The following PAX3 variants were observed in gnomAD, a reference collection of about 807,000 sequenced individuals.
PAX3 encodes paired box protein Pax-3.
PAX3 carries 14 observed loss-of-function variants against 51.6 expected under a neutral mutation model. The ratio of observed to expected loss-of-function variants is 0.27; its 90% CI spans 0.18 to 0.42. PAX3 has a LOEUF of 0.42. Ranked by LOEUF, PAX3 falls within the 10% of genes least tolerant of loss-of-function variation. PAX3 has a pLI of 1.00. For missense variants in PAX3, 540 were observed against 642.8 expected, an observed-to-expected ratio of 0.84 and a Z score of 1.73; for synonymous variants, 280 against 253.4, an observed-to-expected ratio of 1.11 and a Z score of -1.00.
chr2:222,268,569 C>A (rs751931357), intron 4 of PAX3, among the ~76,000 whole-genome samples: 5 of 152,146 alleles, frequency 3.3e-5, no homozygotes, highest in African/African-American at 4.8e-5. Context: ...CCAGGCACAA[C>A]GGGGAAAGCA....
Position 222,298,634 on chromosome 2 carries a change from C to G in PAX3, c.-19G>C, listed in dbSNP as rs1695440214. ...TGGTCATCCTGGGGGCAGCTTCGCTCGGAAATTATATCCAGGTGAAGGCGA... is the reference window on the plus strand; with the variant it reads ...TGGTCATCCTGGGGGCAGCTTCGCTGGGAAATTATATCCAGGTGAAGGCGA... On this transcript the variant is annotated 5_prime_UTR_variant, in exon 1 of 9. Transcript: ENST00000392070. 6.3e-7 allele frequency: 1 copy of G among 1,593,354 alleles called. No homozygotes were observed. The highest frequency in any genetic ancestry group is 1.1e-5 in the South Asian group (1 of 88,176).
At chr2:222,212,951 G>T (rs183146493) in intron 7 of PAX3, among the ~76,000 whole-genome samples, 3 of 151,622 alleles carry the variant, frequency 2.0e-5, no homozygotes, top group Admixed American at 2.0e-4. Context: ...ATTTTTTTTC[G>T]ACTCAAAAGC....
intron 7 of PAX3, among the ~76,000 whole-genome samples, chr2:222,202,530 G>A (rs750351334): frequency 6.6e-6 from 1 of 152,034 alleles, no homozygotes; most frequent in Non-Finnish European, 1.5e-5. Flanking sequence ...AAAAAAGGAT[G>A]AAAAGAGGGA....
chr2:222,246,346 A>G (rs1356310794), intron 4 of PAX3, among the ~76,000 whole-genome samples: 2 of 152,242 alleles, frequency 1.3e-5, no homozygotes, highest in East Asian at 3.8e-4. Flanking sequence ...CTGCCAATTC[A>G]GTTCAAACTC....
intron 4 of PAX3, among the ~76,000 whole-genome samples, chr2:222,283,439 G>A (rs1483344267): frequency 2.0e-5 from 3 of 152,162 alleles, no homozygotes; most frequent in Non-Finnish European, 4.4e-5. Flanking sequence ...ACTAGTCACC[G>A]TACATCCATT....
intron 4 of PAX3, among the ~76,000 whole-genome samples, chr2:222,247,975 G>T (rs1481212002): frequency 6.6e-6 from 1 of 152,158 alleles, no homozygotes; most frequent in African/African-American, 2.4e-5. Flanking sequence ...CCTGCCCAAA[G>T]TCTCAGCGGG....
chr2:222,248,518 G>A (rs758830624), intron 4 of PAX3, among the ~76,000 whole-genome samples: 1 of 152,120 alleles, frequency 6.6e-6, no homozygotes, highest in Non-Finnish European at 1.5e-5. Flanking sequence ...CCTTTCCTTG[G>A]TAATTAAACT....
At chr2:222,263,181 A>G (rs1693929232) in intron 4 of PAX3, 1 of 152,226 alleles carries the variant, frequency 6.6e-6, no homozygotes, top group African/African-American at 2.4e-5. Context: ...GGCAATGTAG[A>G]GATTGAGAGA....
intron 2 of PAX3, among the ~76,000 whole-genome samples, chr2:222,295,909 T>C (rs1695270788): frequency 1.3e-5 from 2 of 152,150 alleles, no homozygotes; most frequent in Non-Finnish European, 2.9e-5. Context: ...CGGGATAAAT[T>C]CAGAAGAATT....
At chr2:222,244,734 C>CAAAAAAAAAAAAAAAAAAAAAAA (rs35127003) in intron 4 of PAX3, among the ~76,000 whole-genome samples, 1 of 109,720 alleles carries the variant, frequency 9.1e-6, no homozygotes, top group African/African-American at 3.3e-5. Context: ...TATTGTTCAC[C>CAAAAAAAAAAAAAAAAAAAAAAA]AAAAAAAAAA....
chr2:222,278,030 G>A (rs994363198), intron 4 of PAX3, among the ~76,000 whole-genome samples: 3 of 150,116 alleles, frequency 2.0e-5, no homozygotes, highest in East Asian at 2.0e-4. Flanking sequence ...ATGTGTGACC[G>A]AAGACAATTA....
At chr2:222,295,025 C>G (rs892264584) in intron 3 of PAX3, among the ~76,000 whole-genome samples, 2 of 152,016 alleles carry the variant, frequency 1.3e-5, no homozygotes, top group African/African-American at 4.8e-5. Flanking sequence ...CTCTCGCTGG[C>G]CCCGTGCTTG....
At chr2:222,218,984 T>C (rs1692079262) in intron 7 of PAX3, among the ~76,000 whole-genome samples, 1 of 152,182 alleles carries the variant, frequency 6.6e-6, no homozygotes. Flanking sequence ...CAGTTATCAC[T>C]GTCTTGCAGA....
At chr2:222,262,884 G>A (rs1007442194) in intron 4 of PAX3, 2 of 152,052 alleles carry the variant, frequency 1.3e-5, no homozygotes, top group Non-Finnish European at 2.9e-5. Context: ...AGAAAGGAAC[G>A]ACTTTTCAAC....
At chr2:222,220,087 A>G (rs1692125686) in intron 7 of PAX3, 53 bp downstream of exon 7, 1 of 1,471,112 alleles carries the variant, frequency 6.8e-7, no homozygotes, top group Non-Finnish European at 9.5e-7. Context: ...CAGGGAATTG[A>G]ATATTTGGTT....
chr2:222,268,443 C>G (rs45556234), intron 4 of PAX3, among the ~76,000 whole-genome samples: 1 of 152,078 alleles, frequency 6.6e-6, no homozygotes, highest in Non-Finnish European at 1.5e-5. Flanking sequence ...TCCAATCAAC[C>G]CCCCCAGCCC....
intron 5 of PAX3, among the ~76,000 whole-genome samples, chr2:222,228,702 A>C (rs1489477564): frequency 6.6e-6 from 1 of 152,160 alleles, no homozygotes; most frequent in Non-Finnish European, 1.5e-5. Context: ...TGAGACGCTG[A>C]GGAGGGAGGA....
chr2:222,225,503 G>A (rs192574664), intron 5 of PAX3, among the ~76,000 whole-genome samples: 64 of 152,230 alleles, frequency 4.2e-4, no homozygotes, highest in African/African-American at 4.6e-4. Context: ...ACAAGTTGGC[G>A]GGTGGCGGGG....
intron 4 of PAX3, among the ~76,000 whole-genome samples, chr2:222,280,341 A>C: frequency 1.4e-5 from 2 of 144,064 alleles, no homozygotes; most frequent in East Asian, 4.1e-4. Flanking sequence ...GGAGGGAGGA[A>C]GGAAAGAAAA....
Sources: allele counts gnomAD v4.1 joint callset (sites outside exome capture counted in the v4.1 genomes callset), GRCh38; gene constraint gnomAD v4.1.1; transcripts MANE v1.5; gene names NCBI Gene and HGNC (gene_info 2026-07-23, HGNC 2026-07-21).